The following ARHGAP6 variants were observed in gnomAD, a reference collection of about 807,000 sequenced individuals.
ARHGAP6 encodes the protein Rho GTPase activating protein 6.
A neutral mutation model predicts 55.7 loss-of-function variants in ARHGAP6; 16 were observed. The observed-to-expected ratio is 0.29, with a 90% CI of 0.19 to 0.44. The LOEUF is 0.44. Among genes scored for constraint, ARHGAP6 ranks in the 20% least tolerant of loss-of-function variants. The pLI is 1.00. For missense variants in ARHGAP6, 698 were observed against 808.9 expected (o/e 0.86, Z 1.66); for synonymous variants, 382 against 360.9 (o/e 1.06, Z -0.66).
intron 1 of ARHGAP6, among the ~76,000 whole-genome samples, chrX:11,331,041 C>A (rs1042433001): frequency 8.9e-6 from 1 of 111,832 alleles, no homozygotes; most frequent in Non-Finnish European, 1.9e-5. Flanking sequence ...CTAAGGATAG[C>A]CATGGAAACT....
At chrX:11,431,806 G>A (rs1264040109) in intron 1 of ARHGAP6, among the ~76,000 whole-genome samples, 1 of 112,179 alleles carries the variant, frequency 8.9e-6, no homozygotes, top group Non-Finnish European at 1.9e-5. Flanking sequence ...AATATTGCTA[G>A]TACCCTAGAC....
At chrX:11,384,269 T>C in intron 1 of ARHGAP6, among the ~76,000 whole-genome samples, 1 of 111,953 alleles carries the variant, frequency 8.9e-6, no homozygotes, top group Admixed American at 9.5e-5. Flanking sequence ...AAGTAGTTGA[T>C]TCCATGTCTT....
intron 1 of ARHGAP6, among the ~76,000 whole-genome samples, chrX:11,452,521 C>T (rs377643160): frequency 8.9e-5 from 10 of 111,898 alleles, no homozygotes; most frequent in African/African-American, 3.3e-4. Context: ...GAGGAATATC[C>T]GGAAACACAT....
At chrX:11,432,024 C>G (rs1190569952) in intron 1 of ARHGAP6, among the ~76,000 whole-genome samples, 1 of 111,994 alleles carries the variant, frequency 8.9e-6, no homozygotes, top group Non-Finnish European at 1.9e-5. Context: ...CAGTATTATT[C>G]CCCCTACGCC....
intron 1 of ARHGAP6, among the ~76,000 whole-genome samples, chrX:11,350,986 T>A (rs2147670490): frequency 9.1e-6 from 1 of 110,052 alleles, no homozygotes; most frequent in East Asian, 2.8e-4. Context: ...ACACAATTTT[T>A]AATTCCTTGA....
intron 10 of ARHGAP6, among the ~76,000 whole-genome samples, chrX:11,153,937 A>G (rs1207994129): frequency 2.7e-5 from 3 of 110,478 alleles, no homozygotes; most frequent in Non-Finnish European, 3.8e-5. Flanking sequence ...AGCATTAGGT[A>G]TATCTCCTAA....
chrX:11,322,973 A>T (rs968222223), intron 1 of ARHGAP6, among the ~76,000 whole-genome samples: 2 of 112,351 alleles, frequency 1.8e-5, no homozygotes, highest in African/African-American at 6.5e-5. Context: ...TGCTGTTTGA[A>T]TAGAAGCTCC....
chrX:11,393,049 G>T (rs1038529392), intron 1 of ARHGAP6, among the ~76,000 whole-genome samples: 4 of 111,133 alleles, frequency 3.6e-5, no homozygotes, highest in Non-Finnish European at 7.6e-5. Flanking sequence ...TAGTCAGTTA[G>T]TTTGTATTAC....
chrX:11,590,017 C>G, intron 1 of ARHGAP6, among the ~76,000 whole-genome samples: 1 of 111,406 alleles, frequency 9.0e-6, no homozygotes, highest in Non-Finnish European at 1.9e-5. Context: ...ACACAGAGAA[C>G]TTGAGACAGA....
intron 1 of ARHGAP6, among the ~76,000 whole-genome samples, chrX:11,316,374 C>T (rs2048359098): frequency 8.9e-6 from 1 of 112,073 alleles, no homozygotes; most frequent in Non-Finnish European, 1.9e-5. Flanking sequence ...CCCCAAATCC[C>T]ACAGAAAGGT....
intron 1 of ARHGAP6, among the ~76,000 whole-genome samples, chrX:11,417,087 T>C (rs867724756): frequency 1.2e-5 from 1 of 81,196 alleles, no homozygotes; most frequent in African/African-American, 4.8e-5. Flanking sequence ...TATATATATA[T>C]ATATATATAT....
intron 1 of ARHGAP6, among the ~76,000 whole-genome samples, chrX:11,575,252 G>T (rs748199485): frequency 8.9e-6 from 1 of 111,980 alleles, no homozygotes; most frequent in East Asian, 2.8e-4. Flanking sequence ...GACAGAAGAA[G>T]CCTGAGTCCT....
intron 1 of ARHGAP6, among the ~76,000 whole-genome samples, chrX:11,623,186 C>T (rs1023031925): frequency 1.8e-4 from 20 of 111,057 alleles, no homozygotes; most frequent in African/African-American, 5.6e-4. Flanking sequence ...TAAAAAAATC[C>T]TAAAGACTCT....
At chrX:11,284,729 T>G (rs1489728155) in intron 1 of ARHGAP6, among the ~76,000 whole-genome samples, 1 of 111,849 alleles carries the variant, frequency 8.9e-6, no homozygotes, top group Admixed American at 9.5e-5. Context: ...ACTGGGAATT[T>G]CCTTGAACAA....
At chrX:11,488,723 G>C (rs939366556) in intron 1 of ARHGAP6, among the ~76,000 whole-genome samples, 1 of 110,991 alleles carries the variant, frequency 9.0e-6, no homozygotes, top group Non-Finnish European at 1.9e-5. Flanking sequence ...ATTGTTAACT[G>C]TGTATGCAAG....
chrX:11,221,271 T>C (rs2046965705), intron 2 of ARHGAP6: 1 of 120,525 alleles, frequency 8.3e-6, no homozygotes, highest in Admixed American at 9.4e-5. Flanking sequence ...GGTTAGGGTA[T>C]TGATTTTAGA....
At chrX:11,608,909 T>C (rs1440997490) in intron 1 of ARHGAP6, among the ~76,000 whole-genome samples, 2 of 111,662 alleles carry the variant, frequency 1.8e-5, no homozygotes, top group Non-Finnish European at 3.8e-5. Context: ...TATGTCTTTA[T>C]CAGCAGTGTA....
At chrX:11,266,478 G>A (rs1602987144) in intron 1 of ARHGAP6, among the ~76,000 whole-genome samples, 1 of 111,486 alleles carries the variant, frequency 9.0e-6, no homozygotes, top group East Asian at 2.8e-4. Context: ...CACATGCTCT[G>A]TATTTTATCC....
intron 1 of ARHGAP6, among the ~76,000 whole-genome samples, chrX:11,447,878 T>C (rs1259663526): frequency 8.9e-6 from 1 of 112,208 alleles, no homozygotes; most frequent in Non-Finnish European, 1.9e-5. Context: ...AAGAATTTGG[T>C]TGACATGTAT....
Sources: allele counts gnomAD v4.1 joint callset (sites outside exome capture counted in the v4.1 genomes callset), GRCh38; gene constraint gnomAD v4.1.1; transcripts MANE v1.5; gene names NCBI Gene and HGNC (gene_info 2026-07-23, HGNC 2026-07-21).